DENND4A: variants seen among roughly 807,000 people sequenced by gnomAD.
The protein encoded by DENND4A is C-myc promoter-binding protein.
Under a neutral mutation model 199.3 loss-of-function variants are expected in DENND4A, and 70 were observed. That is an observed-to-expected ratio of 0.35 (90% CI 0.29 to 0.43). The LOEUF (loss-of-function observed/expected upper bound fraction) is 0.43, where lower values mean the gene tolerates loss of function less well. Among genes scored for constraint, DENND4A ranks in the 20% least tolerant of loss-of-function variants. DENND4A has a pLI of 1.00. For synonymous variants in DENND4A, 686 were observed against 766.9 expected (o/e 0.89, Z 1.74); for missense variants, 1,723 against 2,255.8 (o/e 0.76, Z 4.78).
intron 15 of DENND4A, among the ~76,000 whole-genome samples, chr15:65,704,135 T>C (rs1473571927): frequency 2.6e-5 from 4 of 152,150 alleles, no homozygotes; most frequent in African/African-American, 9.7e-5. Context: ...AAAAATTCAT[T>C]GTATGTATAT....
chr15:65,659,324 T>TG lies in DENND4A; in HGVS notation c.*2526_*2527insC, dbSNP rs2075779595. The stretch of plus-strand genomic sequence containing the variant: ...TTTTAAATGATTGATATTTTCTGGT[T>TG]TTTTTTTTTTTTTTTTTTTTTTTTT... On this transcript the variant is annotated 3_prime_UTR_variant, in exon 33 of 33. Coordinates refer to ENST00000443035, the MANE Select transcript of DENND4A (RefSeq NM_001320835.1). The TG allele has an allele frequency of 1.7e-5, 1 of 59,604 alleles. No individual in the cohort carries two copies. The highest frequency in any genetic ancestry group is 3.0e-4 in the East Asian group (1 of 3,372). 3.7% of individuals were successfully genotyped at this position (59,604 alleles called of 1,614,324 possible). A position where few individuals can be genotyped will look rare whatever the true frequency, so the allele number is the denominator to read the frequency against.
At chr15:65,785,291 G>A (rs2077538083) in intron 1 of DENND4A, among the ~76,000 whole-genome samples, 1 of 150,736 alleles carries the variant, frequency 6.6e-6, no homozygotes, top group South Asian at 2.1e-4. Context: ...TTTGAGACCA[G>A]CCTGGGCAAC....
At chr15:65,670,255 C>T in intron 25 of DENND4A, 67 bp from the exon 26 acceptor site, 13 of 1,270,120 alleles carry the variant, frequency 1.0e-5, no homozygotes, top group Non-Finnish European at 1.4e-5. Flanking sequence ...AAAACCATTT[C>T]AATTCATAAA....
intron 22 of DENND4A, among the ~76,000 whole-genome samples, chr15:65,695,181 T>C (rs1350000475): frequency 6.6e-6 from 1 of 152,216 alleles, no homozygotes; most frequent in Non-Finnish European, 1.5e-5. Flanking sequence ...TTTTGTCTGT[T>C]TGATAGAGTA....
chr15:65,667,714 A>G lies in DENND4A; in HGVS notation c.4987-11T>C. On this transcript the variant is annotated splice_polypyrimidine_tract_variant and intron_variant, in intron 28 of 32. Transcript: ENST00000443035. ...TAAACCTAAAGAATCCTGTTGAATA[A>G]ATAAAAACCATAAATGGCAAATGCA... is the stretch of plus-strand genomic sequence containing the variant. 6.3e-7 allele frequency: 1 copy of G among 1,597,704 alleles called. No homozygotes were observed.
At chr15:65,699,121 C>T (rs1052364417) in intron 20 of DENND4A, among the ~76,000 whole-genome samples, 1 of 152,092 alleles carries the variant, frequency 6.6e-6, no homozygotes, top group Non-Finnish European at 1.5e-5. Flanking sequence ...ACTATTGTAA[C>T]TGATGAAAAT....
At chr15:65,778,373 C>G (rs1421345096) in intron 1 of DENND4A, among the ~76,000 whole-genome samples, 4 of 141,656 alleles carry the variant, frequency 2.8e-5, no homozygotes, top group Non-Finnish European at 6.3e-5. Flanking sequence ...TTTCCCCCAC[C>G]CATCTACACC....
chr15:65,760,360 T>C (rs2076821822), intron 2 of DENND4A, among the ~76,000 whole-genome samples: 1 of 151,830 alleles, frequency 6.6e-6, no homozygotes, highest in African/African-American at 2.4e-5. Context: ...TAGCGGGGCA[T>C]GGTGGCGCAC....
chr15:65,771,699 A>AT (rs2077130296), intron 1 of DENND4A: 1 of 1,610,468 alleles, frequency 6.2e-7, no homozygotes, highest in Non-Finnish European at 8.5e-7. Context: ...CCCCCAAAAA[A>AT]TATATTAAAC....
intron 12 of DENND4A, 24 bp downstream of exon 12, chr15:65,722,824 C>G: frequency 6.5e-7 from 1 of 1,529,768 alleles, no homozygotes; most frequent in Non-Finnish European, 8.8e-7. Flanking sequence ...TAAATTACCT[C>G]CTTTAATTAA....
rs541352678 is a variant in DENND4A at position 65,773,741 on chromosome 15, T to C, written c.-101-12303A>G. ...GTCGCTTTTATCACAAACCTCATGC[T>C]TCAAACATACACACACCACTGCTGC... On this transcript the variant is annotated intron_variant, in intron 1 of 32. Coordinates refer to ENST00000443035, the MANE Select transcript of DENND4A (RefSeq NM_001320835.1). Among the ~76,000 whole-genome samples the C allele has an allele frequency of 3.3e-5, 5 of 152,332 alleles. No homozygotes were observed. The South Asian group carries it at 8.3e-4, about 25-fold the overall frequency.
intron 22 of DENND4A, 67 bp from the exon 23 acceptor site, chr15:65,691,578 T>C: frequency 7.0e-7 from 1 of 1,427,552 alleles, no homozygotes; most frequent in East Asian, 2.5e-5. Context: ...TCTTAAATAT[T>C]TAAAATTCTA....
chr15:65,701,300 C>T (rs2074859652), intron 18 of DENND4A, 108 bp from the exon 19 acceptor site: 4 of 953,734 alleles, frequency 4.2e-6, no homozygotes, highest in Non-Finnish European at 5.8e-6. Flanking sequence ...GGAGTGGTGG[C>T]TCATGCCTGT....
chr15:65,758,454 C>G (rs1443606677), intron 2 of DENND4A, among the ~76,000 whole-genome samples: 1 of 152,148 alleles, frequency 6.6e-6, no homozygotes, highest in African/African-American at 2.4e-5. Context: ...GCTGGGACCA[C>G]AGGTGTGCAC....
intron 24 of DENND4A, among the ~76,000 whole-genome samples, chr15:65,676,141 A>AAAAAAAATATATATAT (rs1362535499): frequency 1.1e-4 from 12 of 110,464 alleles, no homozygotes; most frequent in African/African-American, 3.7e-4. Flanking sequence ...AATAAGGAAA[A>AAAAAAAATATATATAT]ATATATATAT....
At chr15:65,784,483 G>A (rs2077516042) in intron 1 of DENND4A, among the ~76,000 whole-genome samples, 1 of 151,894 alleles carries the variant, frequency 6.6e-6, no homozygotes. Context: ...GGGAAACTGG[G>A]TGCAAGGTAT....
intron 11 of DENND4A, among the ~76,000 whole-genome samples, chr15:65,725,518 A>T (rs2075775919): frequency 6.6e-6 from 1 of 152,002 alleles, no homozygotes; most frequent in Admixed American, 6.6e-5. Context: ...CTACTAAAAA[A>T]TTCAAAAAAT....
intron 4 of DENND4A, among the ~76,000 whole-genome samples, chr15:65,746,436 T>C (rs2076400100): frequency 7.3e-6 from 1 of 136,366 alleles, no homozygotes; most frequent in Non-Finnish European, 1.5e-5. Flanking sequence ...ACGCAGACTG[T>C]AGTGCAGTGG....
chr15:65,709,322 G>C (rs1596488840), intron 14 of DENND4A, among the ~76,000 whole-genome samples: 1 of 152,286 alleles, frequency 6.6e-6, no homozygotes, highest in East Asian at 1.9e-4. Context: ...TAACAGCATT[G>C]TATAATTATT....
Sources: allele counts gnomAD v4.1 joint callset (sites outside exome capture counted in the v4.1 genomes callset), GRCh38; gene constraint gnomAD v4.1.1; transcripts MANE v1.5; gene names NCBI Gene and HGNC (gene_info 2026-07-23, HGNC 2026-07-21).